Variants in SCFD2 observed in about 807,000 individuals in gnomAD.
The protein encoded by SCFD2 is sec1 family domain-containing protein 2.
A neutral mutation model predicts 58.9 loss-of-function variants in SCFD2; 54 were observed. That is an observed-to-expected ratio of 0.92 (90% CI 0.74 to 1.15). SCFD2 has a LOEUF of 1.15. Among genes scored for constraint, SCFD2 ranks in the 50% most tolerant of loss-of-function variants. The probability of loss-of-function intolerance (pLI) is 0.00; values close to 1 mark genes in which losing one functional copy is unlikely to be tolerated. For missense variants in SCFD2, 805 were observed against 836.6 expected, an observed-to-expected ratio of 0.96 and a Z score of 0.47; for synonymous variants, 321 against 335.9, an observed-to-expected ratio of 0.96 and a Z score of 0.49.
At chr4:53,263,836 G>T (rs1490811070) in intron 4 of SCFD2, among the ~76,000 whole-genome samples, 1 of 152,200 alleles carries the variant, frequency 6.6e-6, no homozygotes, top group East Asian at 1.9e-4. Flanking sequence ...TTTTCAGGCA[G>T]TAGACAGGGC....
intron 3 of SCFD2, among the ~76,000 whole-genome samples, chr4:53,301,730 A>G (rs920968629): frequency 7.9e-5 from 12 of 152,244 alleles, no homozygotes; most frequent in South Asian, 2.1e-4. Context: ...GAATCCAGCA[A>G]CACATCAAAA....
rs774402866 is a variant in SCFD2 at position 53,365,562 on chromosome 4, T to G, written c.380A>C (p.Glu127Ala). 4.3e-6 allele frequency: 7 copies of G among 1,613,912 alleles called. No homozygotes were observed. The highest frequency in any genetic ancestry group is 5.9e-6 in the Non-Finnish European group (7 of 1,179,966). The change falls in exon 1 of 9, where the codon GAG becomes GCG. Residue 127 changes from glutamate (E) to alanine (A), a missense_variant. By Grantham distance (107) the Glu-to-Ala change is moderately radical. This residue lies in a region of SCFD2 where 17 missense variants were observed against 40.1 expected (regional missense o/e 0.42). Transcript: ENST00000401642. The surrounding 1 kb of genome is among the most constrained non-coding windows in gnomAD (Gnocchi z 4.3). ...CTGCTCGAACACCGGCTGCTGCCCC[T>G]CCATCTCGGCCGCTGCCGCCGCTGG... ...HVPAAAAAEMEGQQPVFEQLE... is the reference protein window; with the variant it reads ...HVPAAAAAEMAGQQPVFEQLE...
At chr4:52,956,330 C>T in intron 5 of SCFD2, 1 of 445,986 alleles carries the variant, frequency 2.2e-6, no homozygotes, top group South Asian at 1.6e-5. Context: ...TGACAGAGGT[C>T]AAGGGGACTA....
At chr4:52,968,141 C>CA (rs762890280) in intron 5 of SCFD2, among the ~76,000 whole-genome samples, 1 of 152,188 alleles carries the variant, frequency 6.6e-6, no homozygotes, top group Non-Finnish European at 1.5e-5. Flanking sequence ...TCACAGCCAT[C>CA]AATGTTTGCT....
At chr4:53,140,392 A>AATATATATATATATATATAT (rs1553880149) in intron 5 of SCFD2, among the ~76,000 whole-genome samples, 2 of 97,498 alleles carry the variant, frequency 2.1e-5, no homozygotes, top group Non-Finnish European at 4.0e-5. Context: ...CAAAAATGCT[A>AATATATATATATATATATAT]ATATATATAT....
At chr4:53,332,605 G>C (rs71626294) in intron 2 of SCFD2, among the ~76,000 whole-genome samples, 1 of 152,124 alleles carries the variant, frequency 6.6e-6, no homozygotes, top group Non-Finnish European at 1.5e-5. Flanking sequence ...TCTCAAAATA[G>C]TAAGAGCTAT....
chr4:53,065,025 G>A (rs1723617816), intron 5 of SCFD2, among the ~76,000 whole-genome samples: 1 of 152,040 alleles, frequency 6.6e-6, no homozygotes, highest in African/African-American at 2.4e-5. Context: ...TTTTAGAAAA[G>A]AGCCAAAGTT....
chr4:52,999,482 A>AT (rs1379723860), intron 5 of SCFD2, among the ~76,000 whole-genome samples: 1 of 152,138 alleles, frequency 6.6e-6, no homozygotes, highest in Admixed American at 6.5e-5. Flanking sequence ...TGAGAGGGGC[A>AT]TTTATTTTTC....
chr4:53,346,541 T>A lies in SCFD2; in HGVS notation c.1007+6057A>T, dbSNP rs1734064901. On this transcript the variant is annotated intron_variant, in intron 2 of 8. Coordinates refer to ENST00000401642, the MANE Select transcript of SCFD2 (RefSeq NM_152540.4). The stretch of plus-strand genomic sequence containing the variant: ...CACCTGTCTCGGCCTCCCAAAGCGC[T>A]GGGATTACAGGCATGAGCCACCACC... Among the ~76,000 whole-genome samples the A allele has an allele frequency of 1.3e-5, 2 of 152,166 alleles. 1 individual carries two copies. Among genetic ancestry groups the A allele is most frequent in the South Asian group, 4.1e-4 (2 of 4,832 alleles).
chr4:53,330,263 C>G (rs898257015), intron 2 of SCFD2, among the ~76,000 whole-genome samples: 4 of 151,892 alleles, frequency 2.6e-5, no homozygotes, highest in Admixed American at 1.3e-4. Context: ...AGATACTCCT[C>G]AAGAAGAGCA....
intron 1 of SCFD2, among the ~76,000 whole-genome samples, chr4:53,361,047 C>T (rs1180585341): frequency 6.6e-6 from 1 of 152,206 alleles, no homozygotes; most frequent in Non-Finnish European, 1.5e-5. Context: ...CCCTCTCCCA[C>T]ACAAACCTGC....
At chr4:53,251,662 G>A (rs1007837820) in intron 4 of SCFD2, among the ~76,000 whole-genome samples, 1 of 151,914 alleles carries the variant, frequency 6.6e-6, no homozygotes, top group African/African-American at 2.4e-5. Context: ...ATGCAGAAAA[G>A]GCCTTTGACA....
intron 5 of SCFD2, among the ~76,000 whole-genome samples, chr4:52,999,678 C>T (rs1007600291): frequency 5.3e-5 from 8 of 152,198 alleles, no homozygotes; most frequent in African/African-American, 1.9e-4. Context: ...GTTTGACATT[C>T]TCGTCCATTT....
intron 5 of SCFD2, among the ~76,000 whole-genome samples, chr4:52,995,096 A>G (rs1721712664): frequency 2.0e-5 from 3 of 152,126 alleles, no homozygotes; most frequent in South Asian, 2.1e-4. Context: ...CTTTATTTCT[A>G]TTATTATTAC....
At chr4:53,168,158 G>C (rs1241610097) in intron 4 of SCFD2, among the ~76,000 whole-genome samples, 1 of 152,202 alleles carries the variant, frequency 6.6e-6, no homozygotes, top group Non-Finnish European at 1.5e-5. Context: ...CATTGCCTTG[G>C]GGAAACTACT....
chr4:53,358,076 C>T (rs1734451261), intron 1 of SCFD2, among the ~76,000 whole-genome samples: 1 of 152,120 alleles, frequency 6.6e-6, no homozygotes, highest in Non-Finnish European at 1.5e-5. Flanking sequence ...CTGAGATAAA[C>T]AGTTCATTTT....
intron 4 of SCFD2, among the ~76,000 whole-genome samples, chr4:53,184,101 G>A (rs373078352): frequency 3.9e-5 from 6 of 152,074 alleles, no homozygotes; most frequent in Non-Finnish European, 5.9e-5. Context: ...CTGACTTTCC[G>A]TACTATAACT....
At chr4:53,103,008 T>C (rs974360045) in intron 5 of SCFD2, among the ~76,000 whole-genome samples, 6 of 152,132 alleles carry the variant, frequency 3.9e-5, no homozygotes, top group Non-Finnish European at 8.8e-5. Flanking sequence ...TGTCAACTGA[T>C]GAGTGCAGGG....
At chr4:53,026,220 T>C (rs1722471094) in intron 5 of SCFD2, among the ~76,000 whole-genome samples, 1 of 152,072 alleles carries the variant, frequency 6.6e-6, no homozygotes, top group Admixed American at 6.6e-5. Flanking sequence ...CTTTCAGGAG[T>C]AGAATATTCC....
Sources: allele counts gnomAD v4.1 joint callset (sites outside exome capture counted in the v4.1 genomes callset), GRCh38; gene constraint gnomAD v4.1.1; regional missense constraint gnomAD v4.1.1; non-coding constraint Gnocchi (gnomAD v3.1); transcripts MANE v1.5; gene names NCBI Gene and HGNC (gene_info 2026-07-23, HGNC 2026-07-21).